PCDH9: variants seen among roughly 807,000 people sequenced by gnomAD.
PCDH9 encodes the protein protocadherin-9.
Under a neutral mutation model 70.6 loss-of-function variants are expected in PCDH9, and 24 were observed. That is an observed-to-expected ratio of 0.34 (90% CI 0.25 to 0.48). PCDH9 has a LOEUF of 0.48. PCDH9 is among the 20% of genes least tolerant of loss of function. The pLI, the probability that PCDH9 is intolerant of heterozygous loss-of-function variation, is 0.99. For synonymous variants in PCDH9, 562 were observed against 558.5 expected (o/e 1.01, Z -0.09); for missense variants, 1,281 against 1,503.6 (o/e 0.85, Z 2.45).
At chr13:66,712,031 A>G (rs1312785585) in intron 3 of PCDH9, among the ~76,000 whole-genome samples, 4 of 152,152 alleles carry the variant, frequency 2.6e-5, no homozygotes, top group African/African-American at 9.7e-5. Context: ...CATGAGTTAT[A>G]GAGTAACAGC....
chr13:66,371,647 A>G (rs889526538), intron 4 of PCDH9, among the ~76,000 whole-genome samples: 1 of 152,098 alleles, frequency 6.6e-6, no homozygotes, highest in African/African-American at 2.4e-5. Flanking sequence ...GAAATAAAAT[A>G]GAGATATAAC....
At chr13:66,470,490 A>G (rs1238992446) in intron 4 of PCDH9, among the ~76,000 whole-genome samples, 2 of 152,122 alleles carry the variant, frequency 1.3e-5, no homozygotes, top group Admixed American at 6.6e-5. Flanking sequence ...GCATCTTTGA[A>G]AAGTGAAATA....
intron 3 of PCDH9, among the ~76,000 whole-genome samples, chr13:66,848,836 G>T (rs964495315): frequency 8.6e-5 from 13 of 150,444 alleles, no homozygotes; most frequent in Middle Eastern, 3.5e-3. Flanking sequence ...GCTGAGGCAG[G>T]AGAATGGCGT....
chr13:67,161,721 A>G (rs888482296), intron 2 of PCDH9, among the ~76,000 whole-genome samples: 2 of 152,220 alleles, frequency 1.3e-5, no homozygotes, highest in Non-Finnish European at 2.9e-5. Context: ...ACTGTCAGGC[A>G]GGGTTAATGT....
chr13:66,812,034 G>A (rs551547689), intron 3 of PCDH9, among the ~76,000 whole-genome samples: 4 of 152,078 alleles, frequency 2.6e-5, no homozygotes, highest in Non-Finnish European at 4.4e-5. Flanking sequence ...AACAGTAAAC[G>A]TTGCACCAAA....
At chr13:66,761,602 C>T (rs1566176789) in intron 3 of PCDH9, among the ~76,000 whole-genome samples, 1 of 151,956 alleles carries the variant, frequency 6.6e-6, no homozygotes, top group Non-Finnish European at 1.5e-5. Context: ...AAAATTCTTT[C>T]TTCTACTTTA....
chr13:66,584,939 GT>G (rs1033768931), intron 4 of PCDH9, among the ~76,000 whole-genome samples: 37 of 152,220 alleles, frequency 2.4e-4, no homozygotes, highest in Admixed American at 1.6e-3. Flanking sequence ...AAAAAAATCT[GT>G]TATGTAAGGA....
intron 4 of PCDH9, among the ~76,000 whole-genome samples, chr13:66,455,782 CA>C (rs1958306527): frequency 6.6e-6 from 1 of 151,542 alleles, no homozygotes; most frequent in Non-Finnish European, 1.5e-5. Flanking sequence ...TTTTTCTTTT[CA>C]ATTGTTATTA....
At chr13:66,410,567 C>T (rs954171033) in intron 4 of PCDH9, among the ~76,000 whole-genome samples, 3 of 152,172 alleles carry the variant, frequency 2.0e-5, no homozygotes, top group African/African-American at 7.2e-5. Context: ...GAAGACCAGA[C>T]ATTTGGAAAT....
intron 4 of PCDH9, among the ~76,000 whole-genome samples, chr13:66,564,110 C>G (rs569979181): frequency 1.3e-5 from 2 of 152,038 alleles, no homozygotes; most frequent in Non-Finnish European, 2.9e-5. Flanking sequence ...GTAATAAAAG[C>G]TGGCAGTCTA....
At chr13:67,118,795 A>T (rs976994090) in intron 2 of PCDH9, among the ~76,000 whole-genome samples, 2 of 152,164 alleles carry the variant, frequency 1.3e-5, no homozygotes, top group African/African-American at 4.8e-5. Context: ...GCACCTTCAC[A>T]CTACAACCTA....
intron 4 of PCDH9, among the ~76,000 whole-genome samples, chr13:66,575,500 T>TC (rs2076802041): frequency 6.6e-6 from 1 of 152,090 alleles, no homozygotes; most frequent in Non-Finnish European, 1.5e-5. Context: ...CCTTAGAAGG[T>TC]CCACATGGCC....
At chr13:67,180,267 A>G (rs908031010) in intron 2 of PCDH9, among the ~76,000 whole-genome samples, 5 of 152,142 alleles carry the variant, frequency 3.3e-5, no homozygotes, top group African/African-American at 1.2e-4. Flanking sequence ...CTGGCTGCAG[A>G]GCTTGAAGCC....
intron 2 of PCDH9, chr13:67,203,770 C>T (rs1024676791): frequency 6.6e-6 from 1 of 151,966 alleles, no homozygotes; most frequent in Non-Finnish European, 1.5e-5. Flanking sequence ...TGTGTAAGAG[C>T]TTACCAAATT....
At chr13:67,200,229 G>A (rs1224071230) in intron 2 of PCDH9, among the ~76,000 whole-genome samples, 2 of 151,994 alleles carry the variant, frequency 1.3e-5, no homozygotes, top group Admixed American at 6.6e-5. Flanking sequence ...CAAACTGGGA[G>A]AGTTATTTTC....
chr13:67,186,245 A>G (rs1178290808), intron 2 of PCDH9, among the ~76,000 whole-genome samples: 2 of 152,112 alleles, frequency 1.3e-5, no homozygotes, highest in East Asian at 1.9e-4. Context: ...TCTGAAAATA[A>G]TTTATATTGA....
At chr13:66,805,276 T>C (rs1456777850) in intron 3 of PCDH9, among the ~76,000 whole-genome samples, 2 of 152,156 alleles carry the variant, frequency 1.3e-5, no homozygotes, top group Non-Finnish European at 2.9e-5. Context: ...AGAGATATTG[T>C]TGAGTCCTAA....
chr13:66,364,108 C>A (rs912092848), intron 4 of PCDH9, among the ~76,000 whole-genome samples: 1 of 151,850 alleles, frequency 6.6e-6, no homozygotes, highest in Non-Finnish European at 1.5e-5. Flanking sequence ...TGAGCCAAGA[C>A]CACGCCATTG....
intron 3 of PCDH9, among the ~76,000 whole-genome samples, chr13:66,732,813 C>T (rs1454526003): frequency 6.6e-6 from 1 of 152,054 alleles, no homozygotes; most frequent in East Asian, 1.9e-4. Flanking sequence ...TGTCTCACAA[C>T]TTCAAAATAT....
Sources: gnomAD v4.1 joint callset for allele counts (sites outside exome capture counted in the v4.1 genomes callset) on GRCh38, gnomAD v4.1.1 for gene constraint, MANE v1.5 for transcripts, NCBI Gene and HGNC (gene_info 2026-07-23, HGNC 2026-07-21) for gene names.